The following R3HDM2 variants were observed in gnomAD, a reference collection of about 807,000 sequenced individuals.
R3HDM2 encodes the protein R3H domain containing 2, also known as R3H domain-containing protein 2.
A neutral mutation model predicts 124.5 loss-of-function variants in R3HDM2; 38 were observed. That is an observed-to-expected ratio of 0.31 (90% CI 0.24 to 0.40). The LOEUF is 0.40. R3HDM2 is among the 10% of genes least tolerant of loss of function. The pLI, the probability that R3HDM2 is intolerant of heterozygous loss-of-function variation, is 1.00. For missense variants in R3HDM2, 869 were observed against 1,236.9 expected, an observed-to-expected ratio of 0.70 and a Z score of 4.46; for synonymous variants, 391 against 448.0, an observed-to-expected ratio of 0.87 and a Z score of 1.61.
chr12:57,256,822 CT>C (rs757111053), intron 21 of R3HDM2, among the ~76,000 whole-genome samples: 296 of 141,094 alleles, frequency 2.1e-3, no homozygotes, highest in Middle Eastern at 7.2e-3. Context: ...TTTTATCTCT[CT>C]TTTTTTTTTT....
chr12:57,273,663 G>C (rs941551701), intron 14 of R3HDM2, among the ~76,000 whole-genome samples: 1 of 152,186 alleles, frequency 6.6e-6, no homozygotes, highest in African/African-American at 2.4e-5. Context: ...AGTTCTGCCT[G>C]GCATAGGTTC....
chr12:57,269,418 T>G lies in R3HDM2; in HGVS notation c.1619A>C (p.Tyr540Ser). 1 of 1,614,122 alleles carries G rather than the reference T, an allele frequency of 6.2e-7. No individual in the cohort carries two copies. Among genetic ancestry groups the G allele is most frequent in the Non-Finnish European group, 8.5e-7 (1 of 1,180,010 alleles). Residue 540 changes from tyrosine (Y) to serine (S), a missense_variant, in exon 16 of 24, where the codon TAT becomes TCT. Tyr to Ser is a moderately radical substitution (Grantham distance 144). This residue lies in a region of R3HDM2 where 602 missense variants were observed against 789.2 expected (regional missense o/e 0.76). Coordinates refer to ENST00000402412, the MANE Select transcript of R3HDM2 (RefSeq NM_001394031.1). ...TCGATATTGCTGGTTGGAGTTAGGA[T>G]ATTGTCCAGGGGGATAGTAAGAAAC... is the stretch of plus-strand genomic sequence containing the variant. ...IQVSYYPPGQ[Y>S]PNSNQQYRPL...
In R3HDM2 at chr12:57,253,895, TTAAA is replaced by T. The variant is rs1234891727; in HGVS notation, c.*874_*877del. ...ACCCAGCAAACATCTGTATGTGCAA[TTAAA>T]TACTGTGTCTGTTACTGCGGCACGA... On this transcript the variant is annotated 3_prime_UTR_variant, in exon 24 of 24. Transcript: ENST00000402412. The T allele has an allele frequency of 7.9e-6, 2 of 253,926 alleles. No individual in the cohort carries two copies. The highest frequency in any genetic ancestry group is 1.5e-5 in the Non-Finnish European group (2 of 131,756). 15.7% of individuals were successfully genotyped at this position (253,926 alleles called of 1,614,324 possible). A position where few individuals can be genotyped will look rare whatever the true frequency, so the allele number is the denominator to read the frequency against.
At chr12:57,423,739 G>A (rs1373573333) in intron 1 of R3HDM2, among the ~76,000 whole-genome samples, 5 of 147,810 alleles carry the variant, frequency 3.4e-5, no homozygotes, top group South Asian at 4.3e-4. Flanking sequence ...CCCAGGAGAC[G>A]GAGGTTGCAG....
intron 2 of R3HDM2, among the ~76,000 whole-genome samples, chr12:57,373,155 C>A (rs1429044422): frequency 6.6e-6 from 1 of 152,180 alleles, no homozygotes; most frequent in African/African-American, 2.4e-5. Context: ...TAAGCTATGA[C>A]TGTGCTGCTG....
chr12:57,349,642 C>G (rs2060478375), intron 2 of R3HDM2, among the ~76,000 whole-genome samples: 1 of 150,306 alleles, frequency 6.7e-6, no homozygotes, highest in Non-Finnish European at 1.5e-5. Context: ...CTCACTATAA[C>G]CTCCGCCTCC....
At chr12:57,418,324 T>C (rs2069848784) in intron 1 of R3HDM2, 1 of 985,284 alleles carries the variant, frequency 1.0e-6, no homozygotes, top group Non-Finnish European at 1.2e-6. Flanking sequence ...GCAGAACATT[T>C]AGTTAACGGG....
intron 1 of R3HDM2, among the ~76,000 whole-genome samples, chr12:57,397,844 A>G (rs1282735064): frequency 6.6e-6 from 1 of 152,210 alleles, no homozygotes; most frequent in Admixed American, 6.5e-5. Context: ...AGAGCAACAT[A>G]ATTTTGACTT....
At chr12:57,394,650 A>G (rs1390774148) in intron 2 of R3HDM2, among the ~76,000 whole-genome samples, 1 of 152,222 alleles carries the variant, frequency 6.6e-6, no homozygotes, top group Non-Finnish European at 1.5e-5. Flanking sequence ...TGGCCACTCA[A>G]TAACTGATAT....
intron 1 of R3HDM2, among the ~76,000 whole-genome samples, chr12:57,404,781 G>C (rs1256838631): frequency 6.6e-6 from 1 of 152,068 alleles, no homozygotes; most frequent in Non-Finnish European, 1.5e-5. Context: ...ATACTTTGAG[G>C]CTGAGGCAGG....
chr12:57,416,526 T>A (rs2069623013), intron 1 of R3HDM2, among the ~76,000 whole-genome samples: 2 of 152,130 alleles, frequency 1.3e-5, no homozygotes, highest in Admixed American at 1.3e-4. Flanking sequence ...AAGCACAGAC[T>A]TCAGGCCAGG....
intron 2 of R3HDM2, among the ~76,000 whole-genome samples, chr12:57,341,788 G>A (rs1431116111): frequency 6.6e-6 from 1 of 152,154 alleles, no homozygotes; most frequent in Non-Finnish European, 1.5e-5. Flanking sequence ...TAATGACACA[G>A]TGAAGGATAT....
At chr12:57,340,154 T>C (rs557264307) in intron 2 of R3HDM2, among the ~76,000 whole-genome samples, 2 of 152,312 alleles carry the variant, frequency 1.3e-5, no homozygotes, top group African/African-American at 2.4e-5. Flanking sequence ...AGGTCTATCT[T>C]ATCTACCCTC....
intron 2 of R3HDM2, among the ~76,000 whole-genome samples, chr12:57,331,652 C>T (rs765370622): frequency 2.0e-5 from 3 of 152,062 alleles, no homozygotes; most frequent in Non-Finnish European, 4.4e-5. Flanking sequence ...TTATGGCTCA[C>T]GCCTGTAATC....
chr12:57,413,282 C>T (rs1381259183), intron 1 of R3HDM2, among the ~76,000 whole-genome samples: 1 of 152,126 alleles, frequency 6.6e-6, no homozygotes, highest in Non-Finnish European at 1.5e-5. Context: ...ACTCATAAAT[C>T]ACTTCATTAT....
At chr12:57,374,360 G>C (rs1310988769) in intron 2 of R3HDM2, among the ~76,000 whole-genome samples, 2 of 151,516 alleles carry the variant, frequency 1.3e-5, no homozygotes, top group African/African-American at 4.9e-5. Flanking sequence ...TGGCTGGACA[G>C]TCAATCATAA....
intron 1 of R3HDM2, among the ~76,000 whole-genome samples, chr12:57,423,949 T>C (rs2070453403): frequency 1.3e-5 from 2 of 148,408 alleles, no homozygotes; most frequent in Admixed American, 1.3e-4. Flanking sequence ...AACCCATCTC[T>C]ACTAAAAATA....
At chr12:57,324,135 A>G (rs1410745088) in intron 2 of R3HDM2, among the ~76,000 whole-genome samples, 1 of 152,216 alleles carries the variant, frequency 6.6e-6, no homozygotes, top group Non-Finnish European at 1.5e-5. Flanking sequence ...ATCCTGCCAT[A>G]ACCGATGACC....
At chr12:57,374,928 G>A (rs1016384033) in intron 2 of R3HDM2, among the ~76,000 whole-genome samples, 30 of 150,810 alleles carry the variant, frequency 2.0e-4, no homozygotes, top group African/African-American at 6.1e-4. Context: ...CCCGGGAGGC[G>A]GAGCTTGCAG....
Sources: allele counts gnomAD v4.1 joint callset (sites outside exome capture counted in the v4.1 genomes callset), GRCh38; gene constraint gnomAD v4.1.1; regional missense constraint gnomAD v4.1.1; transcripts MANE v1.5; gene names NCBI Gene and HGNC (gene_info 2026-07-23, HGNC 2026-07-21).